LARP1: variants seen among roughly 807,000 people sequenced by gnomAD.
LARP1 encodes the protein La ribonucleoprotein 1, translational regulator, also known as la-related protein 1.
LARP1 carries 36 observed loss-of-function variants against 122.7 expected under a neutral mutation model. The observed-to-expected ratio is 0.29, with a 90% confidence interval of 0.22 to 0.39. LARP1 has a LOEUF of 0.39. Ranked by LOEUF, LARP1 falls within the 10% of genes least tolerant of loss-of-function variation. The pLI, the probability that LARP1 is intolerant of heterozygous loss-of-function variation, is 1.00. For synonymous variants in LARP1, 539 were observed against 528.7 expected, an observed-to-expected ratio of 1.02 and a Z score of -0.27; for missense variants, 1,040 against 1,403.6, an observed-to-expected ratio of 0.74 and a Z score of 4.14.
At chr5:154,757,028 G>A (rs1203600609) in intron 1 of LARP1, 3 of 148,360 alleles carry the variant, frequency 2.0e-5, no homozygotes. Flanking sequence ...GGCGGCCCGC[G>A]GGCCGCTCGG....
intron 1 of LARP1, among the ~76,000 whole-genome samples, chr5:154,705,142 G>T (rs1323420983): frequency 5.4e-5 from 8 of 148,310 alleles, no homozygotes; most frequent in African/African-American, 1.7e-4. Flanking sequence ...AAAGGCAAAG[G>T]ACATGAAAAG....
chr5:154,700,027 G>A (rs758965472), intron 1 of LARP1, among the ~76,000 whole-genome samples: 6 of 152,078 alleles, frequency 3.9e-5, no homozygotes, highest in Non-Finnish European at 8.8e-5. Flanking sequence ...TTCATTTTTG[G>A]GTGGCTTTTC....
chr5:154,765,432 C>A (rs753156250), intron 1 of LARP1, among the ~76,000 whole-genome samples: 5 of 152,206 alleles, frequency 3.3e-5, no homozygotes, highest in Non-Finnish European at 7.3e-5. Context: ...AGTCTGTCAT[C>A]CAGCCTGCAG....
At chr5:154,766,820 CCCAGTTTCCTAGTTG>C (rs1754994643) in intron 1 of LARP1, among the ~76,000 whole-genome samples, 2 of 152,226 alleles carry the variant, frequency 1.3e-5, no homozygotes. Flanking sequence ...GCTTACCCAG[CCCAGTTTCCTAGTTG>C]TCAGCACTGT....
At chr5:154,806,303 C>G (rs1042994959) in intron 15 of LARP1, among the ~76,000 whole-genome samples, 6 of 152,172 alleles carry the variant, frequency 3.9e-5, no homozygotes, top group African/African-American at 1.4e-4. Flanking sequence ...TTCCATATCT[C>G]TGGCAAGATT....
At chr5:154,712,155 GA>G (rs1280364073), upstream of LARP1, among the ~76,000 whole-genome samples, 1 of 152,146 alleles carries the variant, frequency 6.6e-6, no homozygotes, top group Non-Finnish European at 1.5e-5. Flanking sequence ...AATGCCTTTT[GA>G]ATAATGAATG....
rs1312437164 is a variant in LARP1 at position 154,790,575 on chromosome 5, G to A, written c.499-70G>A. ...ATTTGGCCTCTGATCTCTTGGTGAA[G>A]CTTGGGTCGGGGGCTGAATAGCAAA... On this transcript the variant is annotated intron_variant, in intron 2 of 18. Coordinates refer to ENST00000518297, the MANE Select transcript of LARP1 (RefSeq NM_033551.3). 7 of 1,548,400 alleles carry A rather than the reference G, an allele frequency of 4.5e-6. No individual in the cohort carries two copies. In the African/African-American group the frequency reaches 5.4e-5, roughly 12 times the overall value.
Position 154,733,010 on chromosome 5 carries a change from G to A in LARP1, c.205+19880G>A, listed in dbSNP as rs374842839. Among the ~76,000 whole-genome samples, 8 of 152,122 alleles carry A rather than the reference G, an allele frequency of 5.3e-5. No homozygotes were observed. In the South Asian group the frequency reaches 1.0e-3, roughly 20 times the overall value. On this transcript the variant is annotated intron_variant, in intron 1 of 18. Transcript: ENST00000336314. Reference sequence around the variant, plus strand: ...GGGTGGTGGAGTTAGTAAGTAAGGCGAAAAAGGTGAGTGTCTCATAAAATC... The same window carrying A: ...GGGTGGTGGAGTTAGTAAGTAAGGCAAAAAAGGTGAGTGTCTCATAAAATC...
chr5:154,732,231 A>G (rs972479337), intron 1 of LARP1, among the ~76,000 whole-genome samples: 1 of 151,556 alleles, frequency 6.6e-6, no homozygotes, highest in Non-Finnish European at 1.5e-5. Flanking sequence ...TGCAAACCAT[A>G]TAATTTACCA....
Position 154,693,802 on chromosome 5 carries a change from G to C in LARP1, c.-180+10765G>C, listed in dbSNP as rs1393297731. Among the ~76,000 whole-genome samples, 8 of 151,130 alleles carry C rather than the reference G, an allele frequency of 5.3e-5. 1 individual carries two copies. Among genetic ancestry groups the C allele is most frequent in the Non-Finnish European group, 1.5e-5 (1 of 67,916 alleles). ...ACTGGAGAGGCGGAGCTTGCAGTGA[G>C]CCGAGATCGCGCCACTGCACTCCAG... On this transcript the variant is annotated intron_variant, in intron 1 of 18. Transcript: ENST00000687700.
rs561008201 is a variant in LARP1, at chr5:154,707,194, G to T, written c.-180+24157G>T. 2.0e-5 allele frequency among the ~76,000 whole-genome samples: 3 copies of T among 152,248 alleles called. No homozygotes were observed. In the East Asian group the frequency reaches 5.8e-4, roughly 29 times the overall value. On this transcript the variant is annotated intron_variant, in intron 1 of 18. Transcript: ENST00000687700. Reference sequence around the variant, plus strand: ...AGCACTTTGGGAGGCTGAGGTGGGAGGCCAGGAGTTTGAGAATAGCCTTGG... The same window carrying T: ...AGCACTTTGGGAGGCTGAGGTGGGATGCCAGGAGTTTGAGAATAGCCTTGG...
At position 154,794,269 on chromosome 5, in the gene LARP1, G is replaced by A; in HGVS notation, c.1232+7G>A. ...ACTACATCAAGCGCCAGATGTGAGT[G>A]TGCGGAAGCCTTCTTACCCTGGAGA... On this transcript the variant is annotated splice_region_variant and intron_variant, in intron 7 of 18. Coordinates refer to ENST00000518297, the MANE Select transcript of LARP1 (RefSeq NM_033551.3). 9 of 1,613,204 alleles carry A rather than the reference G, an allele frequency of 5.6e-6. No homozygotes were observed. Among genetic ancestry groups the A allele is most frequent in the Non-Finnish European group, 7.6e-6 (9 of 1,179,184 alleles).
At chr5:154,691,483 G>A (rs981940647) in intron 1 of LARP1, among the ~76,000 whole-genome samples, 2 of 152,176 alleles carry the variant, frequency 1.3e-5, no homozygotes, top group Non-Finnish European at 2.9e-5. Flanking sequence ...CGGGAAGCAC[G>A]AGCTGCGCGC....
At chr5:154,787,020 C>T (rs1756945540) in intron 1 of LARP1, among the ~76,000 whole-genome samples, 1 of 152,106 alleles carries the variant, frequency 6.6e-6, no homozygotes, top group Non-Finnish European at 1.5e-5. Flanking sequence ...GCTGGAATTA[C>T]AGGCATGTGC....
chr5:154,710,936 G>T (rs1338760836), upstream of LARP1, among the ~76,000 whole-genome samples: 1 of 151,914 alleles, frequency 6.6e-6, no homozygotes, highest in Non-Finnish European at 1.5e-5. Flanking sequence ...TAATACCAAA[G>T]CTACTACTAA....
chr5:154,811,006 T>C (rs1442760776), intron 16 of LARP1, among the ~76,000 whole-genome samples: 1 of 152,190 alleles, frequency 6.6e-6, no homozygotes, highest in Non-Finnish European at 1.5e-5. Context: ...AGATACTTCA[T>C]AAAAGAATAG....
At position 154,811,652 on chromosome 5, in the gene LARP1, T is replaced by C. The variant is rs759793849; in HGVS notation, c.3081+12T>C. On this transcript the variant is annotated intron_variant, in intron 18 of 18. Transcript: ENST00000518297. The stretch of plus-strand genomic sequence containing the variant: ...ACTTCCGAGTAGATGTAAGTGAAAC[T>C]CTTTCTCTAACTCTGCTTGTCCTGG... 13 of 1,613,960 alleles carry C rather than the reference T, an allele frequency of 8.1e-6. No individual in the cohort carries two copies. The highest frequency in any genetic ancestry group is 1.1e-5 in the Non-Finnish European group (13 of 1,179,994).
chr5:154,737,322 TGA>T (rs1756955116), intron 1 of LARP1, among the ~76,000 whole-genome samples: 1 of 152,044 alleles, frequency 6.6e-6, no homozygotes, highest in Non-Finnish European at 1.5e-5. Context: ...ATTACAGGTG[TGA>T]GCCACCGTGC....
intron 8 of LARP1, among the ~76,000 whole-genome samples, chr5:154,796,026 AT>A (rs1332078300): frequency 9.3e-6 from 1 of 107,242 alleles, no homozygotes; most frequent in Non-Finnish European, 1.7e-5. Context: ...TATATTATAT[AT>A]ATTTTTATAT....
Sources: gnomAD v4.1 joint callset for allele counts (sites outside exome capture counted in the v4.1 genomes callset) on GRCh38, gnomAD v4.1.1 for gene constraint, MANE v1.5 for transcripts, NCBI Gene and HGNC (gene_info 2026-07-23, HGNC 2026-07-21) for gene names.